PHGDH: variants seen among roughly 807,000 people sequenced by gnomAD.
PHGDH encodes the protein phosphoglycerate dehydrogenase.
PHGDH carries 50 observed loss-of-function variants against 52.6 expected under a neutral mutation model. That is an observed-to-expected ratio of 0.95 (90% CI 0.76 to 1.20). The LOEUF is 1.20. Ranked by LOEUF, PHGDH falls within the 50% of genes most tolerant of loss-of-function variation. PHGDH has a pLI of 0.00. For missense variants in PHGDH, 630 were observed against 684.6 expected (o/e 0.92, Z 0.89); for synonymous variants, 271 against 280.5 (o/e 0.97, Z 0.34).
intron 6 of PHGDH, 108 bp downstream of exon 6, chr1:119,734,874 A>G (rs1401008867): frequency 8.0e-7 from 1 of 1,248,734 alleles, no homozygotes; most frequent in African/African-American, 1.5e-5. Context: ...CTGTGGGGAG[A>G]GGTCCACCTG....
At chr1:119,725,098 G>A (rs1387317905) in intron 3 of PHGDH, 24 of 422,950 alleles carry the variant, frequency 5.7e-5, no homozygotes, top group Non-Finnish European at 4.8e-6. Flanking sequence ...CACACAGAAA[G>A]GAAGGAAGGA....
intron 1 of PHGDH, chr1:119,712,539 C>A (rs937803983): frequency 6.6e-6 from 2 of 302,176 alleles, no homozygotes; most frequent in East Asian, 9.2e-5. Context: ...CTCCCCCAAC[C>A]CCCAACCGCC....
chr1:119,726,823 C>T, intron 3 of PHGDH, 28 bp from the exon 4 acceptor site: 1 of 1,606,116 alleles, frequency 6.2e-7, no homozygotes, highest in Non-Finnish European at 8.5e-7. Flanking sequence ...TCCGAATGGA[C>T]CCTCTGAACC....
chr1:119,734,973 C>G (rs1651868124), intron 6 of PHGDH: 1 of 650,598 alleles, frequency 1.5e-6, no homozygotes, highest in Admixed American at 2.5e-5. Flanking sequence ...TCTAGGTAAG[C>G]TGGGCACAGG....
intron 3 of PHGDH, among the ~76,000 whole-genome samples, chr1:119,724,126 G>A (rs1348450185): frequency 6.6e-6 from 1 of 152,110 alleles, no homozygotes; most frequent in Non-Finnish European, 1.5e-5. Context: ...TCAGTGTGTT[G>A]GTTAGTAATT....
Position 119,738,999 on chromosome 1 carries a change from G to A in PHGDH, c.946-1387G>A, listed in dbSNP as rs75234998. ...GCAAATAGTCTTAGAGTAGCCATTT[G>A]GAAAAAGAGACATTTTTGTCACATA... On this transcript the variant is annotated intron_variant, in intron 8 of 11. Transcript: ENST00000641023. 5.9e-3 allele frequency among the ~76,000 whole-genome samples: 894 copies of A among 152,232 alleles called. 13 individuals carry two copies. The highest frequency in any genetic ancestry group is 0.021 in the African/African-American group (859 of 41,554).
At chr1:119,721,120 C>T (rs373754844) in intron 1 of PHGDH, 50 bp from the exon 2 acceptor site, 14 of 1,582,088 alleles carry the variant, frequency 8.8e-6, no homozygotes, top group African/African-American at 6.7e-5. Flanking sequence ...TGCGGCTTTA[C>T]GAGTTCTCAC....
chr1:119,712,969 G>C (rs1650766786), intron 1 of PHGDH: 1 of 152,394 alleles, frequency 6.6e-6, no homozygotes, highest in Non-Finnish European at 1.5e-5. Context: ...AACGCTCCCA[G>C]ATGATTTATA....
chr1:119,732,562 C>G (rs779366557), intron 5 of PHGDH, among the ~76,000 whole-genome samples: 2 of 152,196 alleles, frequency 1.3e-5, no homozygotes, highest in Non-Finnish European at 2.9e-5. Flanking sequence ...TGTCGGAACC[C>G]CAACCCCCAG....
At chr1:119,728,399 G>A (rs1347544456) in intron 5 of PHGDH, among the ~76,000 whole-genome samples, 1 of 152,142 alleles carries the variant, frequency 6.6e-6, no homozygotes, top group Admixed American at 6.5e-5. Flanking sequence ...TGTCCTTCCA[G>A]TTTCCCTCCA....
chr1:119,734,338 CCCT>C, intron 5 of PHGDH: 1 of 404,370 alleles, frequency 2.5e-6, no homozygotes, highest in Non-Finnish European at 4.7e-6. Flanking sequence ...CTGGCTGTGC[CCCT>C]CCTCATTGTG....
chr1:119,717,579 T>C (rs1650989639), intron 1 of PHGDH, among the ~76,000 whole-genome samples: 1 of 152,182 alleles, frequency 6.6e-6, no homozygotes, highest in Non-Finnish European at 1.5e-5. Flanking sequence ...GAGGTAGCAA[T>C]CTATTATTTT....
chr1:119,725,040 T>C, intron 3 of PHGDH: 1 of 455,750 alleles, frequency 2.2e-6, no homozygotes, highest in Admixed American at 2.4e-5. Flanking sequence ...GGCCTCACAG[T>C]AGGGACTTTG....
chr1:119,730,325 A>G (rs1188218554), intron 5 of PHGDH, among the ~76,000 whole-genome samples: 1 of 152,204 alleles, frequency 6.6e-6, no homozygotes, highest in Non-Finnish European at 1.5e-5. Flanking sequence ...AAATCCCTAG[A>G]TGTCAGATAC....
chr1:119,740,375 A>G lies in PHGDH; in HGVS notation c.946-11A>G, dbSNP rs1003480319. ...TTCCTGACCACAGCCCCGCTCCTCC[A>G]TCCTCTGCAGGTGAATGCCCAGGCC... On this transcript the variant is annotated splice_polypyrimidine_tract_variant and intron_variant, in intron 8 of 11. Coordinates refer to ENST00000641023, the MANE Select transcript of PHGDH (RefSeq NM_006623.4). 6.2e-7 allele frequency: 1 copy of G among 1,613,962 alleles called. No homozygotes were observed. The highest frequency in any genetic ancestry group is 1.3e-5 in the African/African-American group (1 of 74,924).
chr1:119,714,689 C>T (rs1470414850), intron 1 of PHGDH, among the ~76,000 whole-genome samples: 2 of 152,170 alleles, frequency 1.3e-5, no homozygotes, highest in African/African-American at 2.4e-5. Context: ...GGCAACATGG[C>T]AAAACCCTGT....
chr1:119,729,947 T>C (rs1651620854), intron 5 of PHGDH: 1 of 152,156 alleles, frequency 6.6e-6, no homozygotes, highest in Admixed American at 6.6e-5. Flanking sequence ...CAGAACATGC[T>C]CTTTGTAAAC....
At chr1:119,718,903 G>A (rs1651037526) in intron 1 of PHGDH, among the ~76,000 whole-genome samples, 1 of 152,122 alleles carries the variant, frequency 6.6e-6, no homozygotes, top group South Asian at 2.1e-4. Flanking sequence ...TATTATATTG[G>A]TGATCACAAC....
chr1:119,728,661 G>C (rs1339238141), intron 5 of PHGDH, among the ~76,000 whole-genome samples: 1 of 152,150 alleles, frequency 6.6e-6, no homozygotes, highest in Admixed American at 6.5e-5. Flanking sequence ...GCAAATGAGA[G>C]AGGCAATTCA....
Sources: gnomAD v4.1 joint callset for allele counts (sites outside exome capture counted in the v4.1 genomes callset) on GRCh38, gnomAD v4.1.1 for gene constraint, MANE v1.5 for transcripts, NCBI Gene and HGNC (gene_info 2026-07-23, HGNC 2026-07-21) for gene names.